STEAP1B: variants seen among roughly 807,000 people sequenced by gnomAD.
The protein encoded by STEAP1B is STEAP family member 1B.
Under a neutral mutation model 27.9 loss-of-function variants are expected in STEAP1B, and 13 were observed. The observed-to-expected ratio is 0.47, with a 90% CI of 0.30 to 0.74. The LOEUF is 0.74. STEAP1B is among the 30% of genes least tolerant of loss of function. STEAP1B has a pLI of 0.06. For missense variants in STEAP1B, 250 were observed against 298.7 expected (o/e 0.84, Z 1.20); for synonymous variants, 86 against 107.1 (o/e 0.80, Z 1.22).
chr7:22,443,794 A>G (rs1785368757), intron 4 of STEAP1B, among the ~76,000 whole-genome samples: 1 of 148,230 alleles, frequency 6.7e-6, no homozygotes, highest in Non-Finnish European at 1.5e-5. Flanking sequence ...CCCATCACCT[A>G]AGAGCCAGGC....
At chr7:22,464,200 C>T (rs186405294) in intron 4 of STEAP1B, among the ~76,000 whole-genome samples, 6 of 152,234 alleles carry the variant, frequency 3.9e-5, no homozygotes, top group South Asian at 4.1e-4. Context: ...ACAATGTGTT[C>T]GCAATGCCAT....
chr7:22,491,824 T>A (rs985617459), intron 4 of STEAP1B, among the ~76,000 whole-genome samples: 10 of 152,112 alleles, frequency 6.6e-5, no homozygotes, highest in African/African-American at 1.9e-4. Flanking sequence ...AAACATATGA[T>A]CCAAGTTGAG....
intron 4 of STEAP1B, among the ~76,000 whole-genome samples, chr7:22,428,732 G>T (rs1785141086): frequency 6.6e-6 from 1 of 152,200 alleles, no homozygotes; most frequent in East Asian, 1.9e-4. Context: ...AAACTCGGGA[G>T]GGGGAGGTTG....
chr7:22,488,131 C>CAGAAG (rs1786248184), intron 4 of STEAP1B, among the ~76,000 whole-genome samples: 1 of 152,168 alleles, frequency 6.6e-6, no homozygotes, highest in East Asian at 1.9e-4. Flanking sequence ...CCCAGTCCTC[C>CAGAAG]GAGTCCCTTC....
At chr7:22,428,753 C>T (rs1048947238) in intron 4 of STEAP1B, among the ~76,000 whole-genome samples, 2 of 151,876 alleles carry the variant, frequency 1.3e-5, no homozygotes, top group South Asian at 2.1e-4. Context: ...CAGTGAGCCA[C>T]GGCACTCCAG....
intron 4 of STEAP1B, 97 bp from the exon 5 acceptor site, chr7:22,419,933 G>A (rs1204471511): frequency 1.4e-6 from 2 of 1,391,306 alleles, no homozygotes; most frequent in African/African-American, 2.9e-5. Flanking sequence ...ATGAGAAATT[G>A]CAAGTATACA....
At chr7:22,482,396 T>A (rs938308338) in intron 4 of STEAP1B, among the ~76,000 whole-genome samples, 1 of 152,218 alleles carries the variant, frequency 6.6e-6, no homozygotes, top group Non-Finnish European at 1.5e-5. Flanking sequence ...GGGTCATATT[T>A]ATACAAAAAA....
At chr7:22,425,957 G>T (rs1785100615) in intron 4 of STEAP1B, among the ~76,000 whole-genome samples, 1 of 152,226 alleles carries the variant, frequency 6.6e-6, no homozygotes, top group Non-Finnish European at 1.5e-5. Flanking sequence ...GAACCCTGGA[G>T]ACTGTTATGT....
chr7:22,449,563 T>C (rs2128404038), intron 4 of STEAP1B, among the ~76,000 whole-genome samples: 1 of 152,346 alleles, frequency 6.6e-6, no homozygotes, highest in Non-Finnish European at 1.5e-5. Flanking sequence ...ATAGGTTGCT[T>C]CCAAAATCTT....
At chr7:22,458,005 C>T (rs147637178) in intron 4 of STEAP1B, among the ~76,000 whole-genome samples, 62 of 152,334 alleles carry the variant, frequency 4.1e-4, no homozygotes, top group Middle Eastern at 3.4e-3. Context: ...AAACATACAA[C>T]AGCTTAATTT....
At chr7:22,470,745 G>C (rs1351404318) in intron 4 of STEAP1B, among the ~76,000 whole-genome samples, 1 of 152,148 alleles carries the variant, frequency 6.6e-6, no homozygotes, top group Non-Finnish European at 1.5e-5. Context: ...ATTGTAGTGA[G>C]GTTAATTTCT....
At chr7:22,494,400 C>T (rs185355165) in intron 2 of STEAP1B, among the ~76,000 whole-genome samples, 1,655 of 149,616 alleles carry the variant, frequency 0.011, 27 homozygotes, top group African/African-American at 0.039. Context: ...TGCTTGCTTA[C>T]AAAATTACTG....
At position 22,454,873 on chromosome 7, in the gene STEAP1B, T is replaced by A. The variant is rs910126539; in HGVS notation, c.763-35037A>T. ...TGTATATATATATATATATTTTTTTTTTTTTTTGAGACAGAGTCTCGCTGT... is the reference window on the plus strand; with the variant it reads ...TGTATATATATATATATATTTTTTTATTTTTTTGAGACAGAGTCTCGCTGT... On this transcript the variant is annotated intron_variant, in intron 4 of 4. Transcript: ENST00000678116. 2.4e-3 allele frequency among the ~76,000 whole-genome samples: 127 copies of A among 53,956 alleles called. 2 individuals are homozygous for A. The East Asian group carries it at 0.069, about 29-fold the overall frequency. The allele number at this position is 53,956 out of a possible 152,430, so 35.4% of individuals were successfully genotyped here.
At chr7:22,471,972 T>C (rs1785893783) in intron 4 of STEAP1B, among the ~76,000 whole-genome samples, 1 of 151,628 alleles carries the variant, frequency 6.6e-6, no homozygotes, top group African/African-American at 2.4e-5. Flanking sequence ...AAAGGCTGTG[T>C]TTCTGGCTAT....
At chr7:22,422,764 C>T (rs2528831) in intron 4 of STEAP1B, among the ~76,000 whole-genome samples, 114,453 of 152,104 alleles carry the variant, frequency 0.75, 43,642 homozygotes, top group East Asian at 0.86. Context: ...TAAATATTTG[C>T]GTAATTTTTT....
At chr7:22,451,453 GA>G (rs1396764723) in intron 4 of STEAP1B, among the ~76,000 whole-genome samples, 8 of 152,198 alleles carry the variant, frequency 5.3e-5, no homozygotes, top group African/African-American at 1.9e-4. Flanking sequence ...TAACAGTGAT[GA>G]AAGTGGGCAT....
chr7:22,458,702 T>C (rs915425135), intron 4 of STEAP1B, among the ~76,000 whole-genome samples: 3 of 152,182 alleles, frequency 2.0e-5, no homozygotes, highest in Non-Finnish European at 4.4e-5. Flanking sequence ...AGGGGAACTA[T>C]AGGACTTTAG....
intron 4 of STEAP1B, among the ~76,000 whole-genome samples, chr7:22,464,548 T>C (rs1209221842): frequency 6.6e-6 from 1 of 152,128 alleles, no homozygotes; most frequent in African/African-American, 2.4e-5. Flanking sequence ...AAAGTGACCA[T>C]ATTTGGAGAC....
intron 4 of STEAP1B, among the ~76,000 whole-genome samples, chr7:22,485,395 AT>A (rs936574644): frequency 2.2e-4 from 34 of 152,212 alleles, no homozygotes; most frequent in African/African-American, 7.5e-4. Flanking sequence ...GATTATCAGC[AT>A]TTTTTTAGCA....
Sources: allele counts gnomAD v4.1 joint callset (sites outside exome capture counted in the v4.1 genomes callset), GRCh38; gene constraint gnomAD v4.1.1; transcripts MANE v1.5; gene names NCBI Gene and HGNC (gene_info 2026-07-23, HGNC 2026-07-21).